The following WASHC5 variants were observed in gnomAD, a reference collection of about 807,000 sequenced individuals.
WASHC5 encodes the protein WASH complex subunit 5, also known as WASH complex subunit strumpellin.
Under a neutral mutation model 150.4 loss-of-function variants are expected in WASHC5, and 101 were observed. The observed-to-expected ratio is 0.67, with a 90% CI of 0.57 to 0.79. The LOEUF is 0.79. WASHC5 is among the 30% of genes least tolerant of loss of function. The pLI is 0.00. For missense variants in WASHC5, 1,195 were observed against 1,396.3 expected (o/e 0.86, Z 2.30); for synonymous variants, 467 against 491.2 (o/e 0.95, Z 0.65).
At chr8:125,053,169 T>G (rs1457736172) in intron 17 of WASHC5, among the ~76,000 whole-genome samples, 2 of 151,984 alleles carry the variant, frequency 1.3e-5, no homozygotes, top group Non-Finnish European at 2.9e-5. Context: ...TCACTTGTTT[T>G]AAGTCAATAT....
intron 9 of WASHC5, among the ~76,000 whole-genome samples, chr8:125,072,242 G>A (rs1231171229): frequency 6.6e-6 from 1 of 150,838 alleles, no homozygotes; most frequent in Non-Finnish European, 1.5e-5. Context: ...TGCTTGCGGG[G>A]ATTGCGGAAG....
intron 25 of WASHC5, among the ~76,000 whole-genome samples, chr8:125,038,548 G>C (rs1417026376): frequency 6.6e-6 from 1 of 152,204 alleles, no homozygotes; most frequent in East Asian, 1.9e-4. Flanking sequence ...CTTGATGACT[G>C]AACGGCAAAC....
chr8:125,063,553 TC>T lies in WASHC5; in HGVS notation c.1376del (p.Gly459GlufsTer2). On this transcript the variant is annotated frameshift_variant, in exon 11 of 29. Coordinates refer to ENST00000318410, the MANE Select transcript of WASHC5 (RefSeq NM_014846.4). LOFTEE classifies it high-confidence loss of function. ...TCTCCACTCTGGTTAGGGGTTTCAC[TC>T]CTGAAAAGACATCAGCAAGCTCAGT... ...RMTELADVFS[G>X]VKPLTRVEKN... The T allele has an allele frequency of 3.7e-6, 6 of 1,614,002 alleles. No individual in the cohort carries two copies. Among genetic ancestry groups the T allele is most frequent in the Non-Finnish European group, 5.1e-6 (6 of 1,179,886 alleles).
At chr8:125,086,126 G>C (rs984465965) in intron 1 of WASHC5, among the ~76,000 whole-genome samples, 74 of 152,160 alleles carry the variant, frequency 4.9e-4, no homozygotes, top group Non-Finnish European at 6.0e-4. Flanking sequence ...TTAGTTTGCT[G>C]GGCTGCCGTA....
chr8:125,034,181 C>A (rs1410100901), intron 26 of WASHC5, among the ~76,000 whole-genome samples: 1 of 152,092 alleles, frequency 6.6e-6, no homozygotes, highest in Non-Finnish European at 1.5e-5. Flanking sequence ...AAAGCTGCAA[C>A]AAGATACCAT....
At chr8:125,045,361 G>C (rs1816033583) in intron 20 of WASHC5, among the ~76,000 whole-genome samples, 1 of 152,110 alleles carries the variant, frequency 6.6e-6, no homozygotes, top group Non-Finnish European at 1.5e-5. Flanking sequence ...ATAGCTCTGT[G>C]GAATACAAAC....
chr8:125,071,807 A>T, intron 9 of WASHC5, among the ~76,000 whole-genome samples: 1 of 152,220 alleles, frequency 6.6e-6, no homozygotes, highest in East Asian at 1.9e-4. Flanking sequence ...CCATCCCAGA[A>T]GTGACAAATC....
At chr8:125,079,116 G>GTGTGTATATATATATATATA (rs370503575) in intron 5 of WASHC5, among the ~76,000 whole-genome samples, 186 bp from the exon 6 acceptor site, 2 of 97,926 alleles carry the variant, frequency 2.0e-5, no homozygotes, top group African/African-American at 4.6e-5. Flanking sequence ...GTGTGTGTGT[G>GTGTGTATATATATATATATA]TATATATATA....
chr8:125,059,345 T>C (rs761933704), intron 13 of WASHC5, 31 bp downstream of exon 13: 18 of 1,613,930 alleles, frequency 1.1e-5, no homozygotes, highest in Middle Eastern at 1.6e-4. Context: ...GGGCCTTTCA[T>C]CTACAGCAAA....
At chr8:125,076,647 G>C in intron 6 of WASHC5, 147 bp from the exon 7 acceptor site, 1 of 833,114 alleles carries the variant, frequency 1.2e-6, no homozygotes, top group South Asian at 1.5e-5. Flanking sequence ...GCCCTTCTCA[G>C]ACTGTACCAT....
At chr8:125,076,521 C>T in intron 6 of WASHC5, 21 bp from the exon 7 acceptor site, 1 of 1,612,566 alleles carries the variant, frequency 6.2e-7, no homozygotes, top group African/African-American at 1.3e-5. Context: ...AAGACGACAC[C>T]CCGAGAAAGC....
chr8:125,027,849 C>A (rs1348661884), intron 28 of WASHC5, among the ~76,000 whole-genome samples: 1 of 152,156 alleles, frequency 6.6e-6, no homozygotes, highest in African/African-American at 2.4e-5. Context: ...ATTTTCATTT[C>A]ATTTCTTATT....
intron 26 of WASHC5, among the ~76,000 whole-genome samples, chr8:125,036,562 A>G (rs1815713405): frequency 6.8e-6 from 1 of 146,366 alleles, no homozygotes; most frequent in South Asian, 2.1e-4. Context: ...AGTCCCAGCT[A>G]CTCAGGAGGC....
Position 125,068,024 on chromosome 8 carries a change from A to C in WASHC5, c.1151-305T>G, listed in dbSNP as rs544981822. Among the ~76,000 whole-genome samples the C allele has an allele frequency of 1.6e-4, 25 of 152,324 alleles. No homozygotes were observed. The South Asian group carries it at 5.0e-3, about 30-fold the overall frequency. On this transcript the variant is annotated intron_variant, in intron 9 of 28. Transcript: ENST00000318410. The stretch of plus-strand genomic sequence containing the variant: ...CGGTTTGTTTATAGCAACTGTCTAA[A>C]ACGAATGGGCAGAGCCTCCTTGTAC...
chr8:125,075,140 A>G lies in WASHC5; in HGVS notation c.865-29T>C, dbSNP rs372079289. 3 of 1,343,388 alleles carry G rather than the reference A, an allele frequency of 2.2e-6. No homozygotes were observed. The African/African-American group carries it at 4.3e-5, about 19-fold the overall frequency. 83.2% of individuals were successfully genotyped at this position (1,343,388 alleles called of 1,614,324 possible). ...AAAGAGGAGACATTCAGAATTTGTT[A>G]AATTCCTACTCACTTCAAGGCAAAG... On this transcript the variant is annotated intron_variant, in intron 7 of 28. Coordinates refer to ENST00000318410, the MANE Select transcript of WASHC5 (RefSeq NM_014846.4).
intron 1 of WASHC5, 136 bp from the exon 2 acceptor site, chr8:125,084,158 GT>G: frequency 2.2e-6 from 1 of 452,962 alleles, no homozygotes; most frequent in Non-Finnish European, 4.1e-6. Context: ...GGGAAAGGGT[GT>G]TTATCTGTCA....
At chr8:125,089,480 C>T (rs752072527) in intron 1 of WASHC5, among the ~76,000 whole-genome samples, 3 of 152,176 alleles carry the variant, frequency 2.0e-5, no homozygotes, top group Non-Finnish European at 2.9e-5. Flanking sequence ...CATTCTGGGC[C>T]GCATGTGGCC....
intron 14 of WASHC5, among the ~76,000 whole-genome samples, chr8:125,058,672 C>T (rs555204512): frequency 3.5e-4 from 53 of 151,872 alleles, no homozygotes; most frequent in African/African-American, 1.2e-3. Context: ...CGCTTGAACC[C>T]GGGAGGAGGA....
rs772521167 is a variant in WASHC5 at position 125,073,302 on chromosome 8, C to T, written c.1001G>A (p.Ser334Asn). ...CTGCACTTGAGCATGCACTCTTTCACTGACAGTAGCATATCTGCTTGCCTT... is the reference window on the plus strand; with the variant it reads ...CTGCACTTGAGCATGCACTCTTTCATTGACAGTAGCATATCTGCTTGCCTT... ...REQASRYATV[S>N]ERVHAQVQQF... is the part of the protein sequence containing the mutation. The change falls in exon 9 of 29, where the codon AGT becomes AAT. Residue 334 changes from serine (S) to asparagine (N), a missense_variant. Ser to Asn is a conservative substitution (Grantham distance 46). Coordinates refer to ENST00000318410, the MANE Select transcript of WASHC5 (RefSeq NM_014846.4). 9 of 1,613,840 alleles carry T rather than the reference C, an allele frequency of 5.6e-6. No individual in the cohort carries two copies. In the East Asian group the frequency reaches 2.0e-4, roughly 36 times the overall value.
Sources: gnomAD v4.1 joint callset for allele counts (sites outside exome capture counted in the v4.1 genomes callset) on GRCh38, gnomAD v4.1.1 for gene constraint, MANE v1.5 for transcripts, NCBI Gene and HGNC (gene_info 2026-07-23, HGNC 2026-07-21) for gene names.